The following MED13 variants were observed in gnomAD, a reference collection of about 807,000 sequenced individuals.
The protein encoded by MED13 is mediator complex subunit 13, also known as mediator of RNA polymerase II transcription subunit 13.
Under a neutral mutation model 225.2 loss-of-function variants are expected in MED13, and 23 were observed. That is an observed-to-expected ratio of 0.10 (90% CI 0.07 to 0.14). MED13 has a LOEUF of 0.14. Among genes scored for constraint, MED13 ranks in the 10% least tolerant of loss-of-function variants. The pLI is 1.00. For synonymous variants in MED13, 942 were observed against 889.2 expected (o/e 1.06, Z -1.06); for missense variants, 2,197 against 2,594.5 (o/e 0.85, Z 3.33).
chr17:62,062,999 A>T, intron 2 of MED13, 68 bp downstream of exon 2: 1 of 1,228,914 alleles, frequency 8.1e-7, no homozygotes, highest in Non-Finnish European at 1.2e-6. Context: ...TTTGTAATAC[A>T]TATGACATTC....
intron 11 of MED13, 132 bp from the exon 12 acceptor site, chr17:61,987,260 C>T: frequency 2.4e-6 from 1 of 418,280 alleles, no homozygotes; most frequent in Non-Finnish European, 4.3e-6. Flanking sequence ...GATGGTGAAA[C>T]CCCGTCTCTA....
intron 16 of MED13, among the ~76,000 whole-genome samples, chr17:61,973,141 G>A (rs2143411977): frequency 6.6e-6 from 1 of 152,210 alleles, no homozygotes; most frequent in East Asian, 1.9e-4. Context: ...TCATTCATTA[G>A]CTGATTAATC....
chr17:61,963,648 C>G (rs2080027225), intron 20 of MED13, among the ~76,000 whole-genome samples: 1 of 152,146 alleles, frequency 6.6e-6, no homozygotes, highest in Non-Finnish European at 1.5e-5. Flanking sequence ...TTTACAGCTT[C>G]AATGGTGTAC....
At chr17:62,002,122 A>G (rs2080400382) in intron 9 of MED13, among the ~76,000 whole-genome samples, 1 of 152,204 alleles carries the variant, frequency 6.6e-6, no homozygotes, top group African/African-American at 2.4e-5. Context: ...CTATGACTAA[A>G]GAGGTGTTTG....
chr17:62,053,704 TTAAG>T (rs1269289687), intron 2 of MED13, among the ~76,000 whole-genome samples: 3 of 152,128 alleles, frequency 2.0e-5, no homozygotes, highest in African/African-American at 7.2e-5. Flanking sequence ...TGTTCAATGT[TTAAG>T]TAAAAATAAA....
Position 61,962,745 on chromosome 17 carries a change from C to T in MED13, c.5064+7G>A, listed in dbSNP as rs201608733. 6.8e-6 allele frequency: 11 copies of T among 1,611,688 alleles called. No individual in the cohort carries two copies. The Admixed American group carries it at 1.7e-4, about 24-fold the overall frequency. ...TAATTTTAACTCACAACATCTATCA[C>T]TCTTACCTGTACAGAAACAGTACTC... On this transcript the variant is annotated splice_region_variant and intron_variant, in intron 21 of 29. Coordinates refer to ENST00000397786, the MANE Select transcript of MED13 (RefSeq NM_005121.3).
At chr17:62,052,451 T>C (rs1169514906) in intron 3 of MED13, 86 bp downstream of exon 3, 2 of 1,022,948 alleles carry the variant, frequency 2.0e-6, no homozygotes, top group Non-Finnish European at 2.8e-6. Context: ...GTCTGTATAT[T>C]AGCTTGTTTT....
At chr17:62,000,421 C>A (rs2080384256) in intron 9 of MED13, among the ~76,000 whole-genome samples, 2 of 152,190 alleles carry the variant, frequency 1.3e-5, no homozygotes, top group Admixed American at 1.3e-4. Flanking sequence ...TCTCAGCAGG[C>A]ACCTCAAACT....
chr17:62,065,063 C>A, intron 1 of MED13, 77 bp downstream of exon 1: 1 of 1,355,586 alleles, frequency 7.4e-7, no homozygotes, highest in Non-Finnish European at 1.0e-6. Flanking sequence ...CTGGACCAGA[C>A]CCGGCCCCCT....
At chr17:62,059,176 G>A (rs749424958) in intron 2 of MED13, among the ~76,000 whole-genome samples, 2 of 151,962 alleles carry the variant, frequency 1.3e-5, no homozygotes, top group Non-Finnish European at 2.9e-5. Context: ...AAAAATAAAG[G>A]AAATCCAAAT....
At chr17:61,993,704 CG>C (rs1279550350) in intron 10 of MED13, among the ~76,000 whole-genome samples, 2 of 151,640 alleles carry the variant, frequency 1.3e-5, no homozygotes, top group East Asian at 4.0e-4. Context: ...CCGAGGCGGG[CG>C]GATCACTTGA....
chr17:62,064,876 C>T (rs1324085037), intron 1 of MED13, among the ~76,000 whole-genome samples: 2 of 152,156 alleles, frequency 1.3e-5, no homozygotes, highest in Non-Finnish European at 2.9e-5. Context: ...ATAAGGAGCT[C>T]AAGTTGAGGA....
chr17:61,951,857 AC>A (rs2079899438), intron 27 of MED13, among the ~76,000 whole-genome samples: 1 of 152,170 alleles, frequency 6.6e-6, no homozygotes, highest in African/African-American at 2.4e-5. Flanking sequence ...TAAATTTTAT[AC>A]CTATGCATAC....
chr17:61,992,017 C>T (rs923143669), intron 11 of MED13, among the ~76,000 whole-genome samples: 1 of 152,160 alleles, frequency 6.6e-6, no homozygotes, highest in African/African-American at 2.4e-5. Context: ...ATTGTAACCC[C>T]CATTGCTATA....
chr17:62,042,806 G>C (rs937358005), intron 3 of MED13, among the ~76,000 whole-genome samples: 1 of 151,738 alleles, frequency 6.6e-6, no homozygotes, highest in Admixed American at 6.6e-5. Context: ...ATAGCTGTAT[G>C]AGCTTGGACA....
At chr17:62,020,274 ATAAC>A (rs1209963761) in intron 8 of MED13, among the ~76,000 whole-genome samples, 3 of 152,026 alleles carry the variant, frequency 2.0e-5, no homozygotes, top group African/African-American at 7.3e-5. Context: ...TTATTGAGGT[ATAAC>A]TTACAATAAA....
rs745797808 is a variant in MED13, at chr17:61,966,613, C to T, written c.4230G>A (p.Leu1410=). 2 of 1,613,474 alleles carry T rather than the reference C, an allele frequency of 1.2e-6. No individual in the cohort carries two copies. The highest frequency in any genetic ancestry group is 1.3e-5 in the African/African-American group (1 of 75,034). The change falls in exon 19 of 30, where the codon CTG becomes CTA. Residue 1410 remains leucine (L), a synonymous_variant. Transcript: ENST00000397786. The part of the protein sequence containing the change: ...RLGQHRPVSR[L]LTDGIMRVGS... ...CAACTCTCATGATCCCATCTGTTAA[C>T]AGTCGAGAAACAGGTCTATGTTGAC...
chr17:61,985,129 T>G, intron 12 of MED13, 39 bp from the exon 13 acceptor site: 1 of 1,486,736 alleles, frequency 6.7e-7, no homozygotes, highest in Non-Finnish European at 9.3e-7. Context: ...AAATTTTACA[T>G]CCAATGTGAT....
chr17:62,041,689 G>C (rs2080854258), intron 3 of MED13, among the ~76,000 whole-genome samples: 1 of 152,000 alleles, frequency 6.6e-6, no homozygotes, highest in Non-Finnish European at 1.5e-5. Flanking sequence ...CGATTTTCCT[G>C]CCTCAGCCAA....
Sources: gnomAD v4.1 joint callset for allele counts (sites outside exome capture counted in the v4.1 genomes callset) on GRCh38, gnomAD v4.1.1 for gene constraint, MANE v1.5 for transcripts, NCBI Gene and HGNC (gene_info 2026-07-23, HGNC 2026-07-21) for gene names.